TRIM14: variants seen among roughly 807,000 people sequenced by gnomAD.
The protein encoded by TRIM14 is tripartite motif containing 14, also known as tripartite motif-containing protein 14.
In TRIM14, 28 loss-of-function variants were observed where a neutral mutation model predicts 44.5. The observed-to-expected ratio is 0.63, with a 90% confidence interval of 0.47 to 0.86. The LOEUF (loss-of-function observed/expected upper bound fraction) is 0.86. TRIM14 is among the 40% of genes least tolerant of loss of function. The probability of loss-of-function intolerance (pLI) is 0.00; values close to 1 mark genes in which losing one functional copy is unlikely to be tolerated. For missense variants in TRIM14, 607 were observed against 611.1 expected (o/e 0.99, Z 0.07); for synonymous variants, 299 against 269.2 (o/e 1.11, Z -1.08).
the TRIM14 span, among the ~76,000 whole-genome samples, chr9:98,050,106 G>T: frequency 6.6e-6 from 1 of 152,220 alleles, no homozygotes; most frequent in Non-Finnish European, 1.5e-5. Flanking sequence ...TTTTAACACA[G>T]TTGGAACAAT....
the TRIM14 span, among the ~76,000 whole-genome samples, chr9:98,039,728 G>C: frequency 2.6e-5 from 4 of 152,026 alleles, no homozygotes. Flanking sequence ...TGCAAGAAGA[G>C]AGCTCCGACT....
At chr9:98,115,060 T>C (rs1826999058) in intron 1 of TRIM14, among the ~76,000 whole-genome samples, 1 of 152,184 alleles carries the variant, frequency 6.6e-6, no homozygotes, top group East Asian at 1.9e-4. Flanking sequence ...TTGCAAACTA[T>C]TTGTGTTTAC....
At chr9:98,046,628 A>AG in the TRIM14 span, among the ~76,000 whole-genome samples, 3 of 152,026 alleles carry the variant, frequency 2.0e-5, no homozygotes, top group South Asian at 2.1e-4. Flanking sequence ...CTTATTAGAG[A>AG]GGGGGTTTCA....
chr9:98,115,047 AAT>A (rs1482608562), intron 1 of TRIM14, among the ~76,000 whole-genome samples: 33 of 152,150 alleles, frequency 2.2e-4, no homozygotes, highest in African/African-American at 7.2e-4. Context: ...ATTTCACCAA[AAT>A]TTGCAAACTA....
At position 98,119,066 on chromosome 9, in the gene TRIM14, G is replaced by A. The variant is rs775381467; in HGVS notation, c.123C>T (p.Arg41=). The A allele has an allele frequency of 1.3e-6, 2 of 1,580,380 alleles. No homozygotes were observed. The highest frequency in any genetic ancestry group is 2.3e-5 in the East Asian group (1 of 42,830). ...VAELFCRRCR[R]CVCALCPVLG... ...GCACCGGGCAAAGCGCGCACACGCAGCGGCGGCAGCGGCGACAGAAGAGCT... is the reference window on the plus strand; with the variant it reads ...GCACCGGGCAAAGCGCGCACACGCAACGGCGGCAGCGGCGACAGAAGAGCT... The change falls in exon 1 of 6, where the codon CGC becomes CGT. Residue 41 remains arginine (R), a synonymous_variant. Transcript: ENST00000341469.
intron 6 of TRIM14, among the ~76,000 whole-genome samples, chr9:98,071,890 T>C (rs1829351306): frequency 6.6e-6 from 1 of 152,232 alleles, no homozygotes. Flanking sequence ...AGGTGCCTCC[T>C]TGCCCGTGAG....
chr9:98,109,867 T>C (rs1826778063), intron 2 of TRIM14, 22 bp downstream of exon 2: 7 of 1,594,084 alleles, frequency 4.4e-6, no homozygotes, highest in Non-Finnish European at 6.0e-6. Context: ...TCCATGGGTA[T>C]GAGGAAGAAA....
the TRIM14 span, among the ~76,000 whole-genome samples, chr9:98,038,500 T>C: frequency 6.6e-6 from 1 of 152,222 alleles, no homozygotes; most frequent in Non-Finnish European, 1.5e-5. Context: ...CTCTTTACTA[T>C]AGTAAGACAA....
chr9:98,083,733 T>C (rs1829992930), downstream of TRIM14, among the ~76,000 whole-genome samples: 4 of 152,174 alleles, frequency 2.6e-5, no homozygotes, highest in Admixed American at 2.0e-4. Context: ...TGCATAAAAA[T>C]CCATAGCATA....
At chr9:98,059,761 C>G in the TRIM14 span, among the ~76,000 whole-genome samples, 2 of 151,446 alleles carry the variant, frequency 1.3e-5, no homozygotes, top group Non-Finnish European at 2.9e-5. Flanking sequence ...AACAATCCGG[C>G]TTTTATATTA....
In TRIM14 at chr9:98,104,341, C is replaced by A. The variant is rs764299093; in HGVS notation, c.304-4177G>T. The stretch of plus-strand genomic sequence containing the variant: ...AAGAGAGCAAATATCTCCTCCCAAC[C>A]AAGTTATGCTCCAAGCAGTTTTTAT... On this transcript the variant is annotated intron_variant, in intron 2 of 5. Transcript: ENST00000341469. Among the ~76,000 whole-genome samples, 42 of 152,166 alleles carry A rather than the reference C, an allele frequency of 2.8e-4. 1 individual carries two copies. Among genetic ancestry groups the A allele is most frequent in the Admixed American group, 1.3e-4 (2 of 15,284 alleles).
chr9:98,044,463 T>A, the TRIM14 span, among the ~76,000 whole-genome samples: 3 of 143,830 alleles, frequency 2.1e-5, no homozygotes, highest in Non-Finnish European at 3.0e-5. Flanking sequence ...AACCTCCAAC[T>A]CCCTGGTTCA....
At chr9:98,110,553 C>T (rs10985093) in intron 1 of TRIM14, among the ~76,000 whole-genome samples, 2 of 152,058 alleles carry the variant, frequency 1.3e-5, no homozygotes, top group Non-Finnish European at 2.9e-5. Flanking sequence ...GTGATCTCGT[C>T]TCCATCTTAG....
chr9:98,106,825 CTTTTTTTTTTT>C (rs990996900), intron 2 of TRIM14, among the ~76,000 whole-genome samples: 1 of 116,188 alleles, frequency 8.6e-6, no homozygotes, highest in Non-Finnish European at 1.8e-5. Context: ...TTTCTTTCTT[CTTTTTTTTTTT>C]TTTTTTTGAG....
the TRIM14 span, among the ~76,000 whole-genome samples, chr9:98,056,525 C>T: frequency 6.6e-6 from 1 of 152,098 alleles, no homozygotes; most frequent in East Asian, 1.9e-4. Context: ...TCCGAGACCA[C>T]GCTCTGGGAC....
chr9:98,042,153 C>T, the TRIM14 span, among the ~76,000 whole-genome samples: 1,153 of 151,388 alleles, frequency 7.6e-3, 11 homozygotes, highest in African/African-American at 0.026. Context: ...ATTAGCCGGG[C>T]GTGGTGGCAG....
At chr9:98,114,458 C>G (rs1005129385) in intron 1 of TRIM14, among the ~76,000 whole-genome samples, 22 of 151,984 alleles carry the variant, frequency 1.4e-4, no homozygotes, top group Admixed American at 2.6e-4. Flanking sequence ...CTCAGCCTCC[C>G]AAGTAGCTGG....
chr9:98,087,733 C>T lies in TRIM14; in HGVS notation c.1066G>A (p.Gly356Ser). Residue 356 changes from glycine (G) to serine (S), a missense_variant, in exon 6 of 6, where the codon GGC becomes AGC. By Grantham distance (56) the Gly-to-Ser change is moderately conservative. Coordinates refer to ENST00000341469, the MANE Select transcript of TRIM14 (RefSeq NM_014788.4). ...RRGASAAARLGCNRQSWCLKR... is the reference protein window; with the variant it reads ...RRGASAAARLSCNRQSWCLKR... ...AGGCACCAGGACTGGCGGTTGCAGC[C>T]CAGGCGGGCGGCGGCCGAGGCCCCG... 1.3e-6 allele frequency: 2 copies of T among 1,579,220 alleles called. No individual in the cohort carries two copies. Among genetic ancestry groups the T allele is most frequent in the Non-Finnish European group, 1.7e-6 (2 of 1,171,066 alleles).
chr9:98,077,059 A>C (rs1829624920), intron 6 of TRIM14: 2 of 1,464,936 alleles, frequency 1.4e-6, no homozygotes, highest in African/African-American at 2.8e-5. Context: ...GGGAGTCCAA[A>C]CCTTCATATT....
Sources: allele counts gnomAD v4.1 joint callset (sites outside exome capture counted in the v4.1 genomes callset), GRCh38; gene constraint gnomAD v4.1.1; transcripts MANE v1.5; gene names NCBI Gene and HGNC (gene_info 2026-07-23, HGNC 2026-07-21).